The following XPO1 variants were observed in gnomAD, a reference collection of about 807,000 sequenced individuals.
The protein encoded by XPO1 is exportin 1.
In XPO1, 5 loss-of-function variants were observed where a neutral mutation model predicts 133.3. That is an observed-to-expected ratio of 0.04 (90% CI 0.02 to 0.08). The LOEUF (loss-of-function observed/expected upper bound fraction) is 0.08, where lower values mean the gene tolerates loss of function less well. Among genes scored for constraint, XPO1 ranks in the 10% least tolerant of loss-of-function variants. XPO1 has a pLI of 1.00. For missense variants in XPO1, 506 were observed against 1,267.5 expected, an observed-to-expected ratio of 0.40 and a Z score of 9.12; for synonymous variants, 419 against 408.2, an observed-to-expected ratio of 1.03 and a Z score of -0.32.
At chr2:61,532,134 A>G (rs1699181738) in intron 2 of XPO1, among the ~76,000 whole-genome samples, 1 of 151,812 alleles carries the variant, frequency 6.6e-6, no homozygotes, top group Non-Finnish European at 1.5e-5. Context: ...TTATTTATTT[A>G]TTTTTATTTT....
chr2:61,502,357 T>G (rs776771386), intron 4 of XPO1, 47 bp from the exon 5 acceptor site: 2 of 1,545,524 alleles, frequency 1.3e-6, no homozygotes, highest in African/African-American at 1.4e-5. Context: ...AGCTCTTTTG[T>G]AGCATGCAAA....
At chr2:61,502,965 CTTT>C (rs201077547) in intron 4 of XPO1, among the ~76,000 whole-genome samples, 9 of 138,304 alleles carry the variant, frequency 6.5e-5, no homozygotes, top group Non-Finnish European at 9.3e-5. Context: ...TGTTTCTTTT[CTTT>C]TTTTTTTTTT....
At chr2:61,516,018 C>A (rs1458374810) in intron 4 of XPO1, among the ~76,000 whole-genome samples, 3 of 150,790 alleles carry the variant, frequency 2.0e-5, no homozygotes, top group Admixed American at 2.0e-4. Context: ...CCCAGCTACT[C>A]AGGAGGCTGA....
At chr2:61,512,347 A>G (rs979476343) in intron 4 of XPO1, among the ~76,000 whole-genome samples, 12 of 152,182 alleles carry the variant, frequency 7.9e-5, no homozygotes, top group Admixed American at 7.9e-4. Flanking sequence ...TTCCCAAGGA[A>G]ATTAGGAAAT....
At chr2:61,527,482 C>G (rs1444807889) in intron 2 of XPO1, among the ~76,000 whole-genome samples, 1 of 152,082 alleles carries the variant, frequency 6.6e-6, no homozygotes, top group Non-Finnish European at 1.5e-5. Context: ...AGCAGAGACC[C>G]TGTCTCTAGA....
chr2:61,493,125 T>C, intron 12 of XPO1, 72 bp from the exon 13 acceptor site: 2 of 1,443,720 alleles, frequency 1.4e-6, no homozygotes, highest in Non-Finnish European at 1.8e-6. Flanking sequence ...GAAGCTTAGT[T>C]AAAAACAAAC....
At chr2:61,529,609 T>C (rs1369585765) in intron 2 of XPO1, among the ~76,000 whole-genome samples, 1 of 151,966 alleles carries the variant, frequency 6.6e-6, no homozygotes, top group Non-Finnish European at 1.5e-5. Context: ...TTGCAGTGAT[T>C]TGAGATCACA....
chr2:61,520,375 G>A (rs939146591), intron 4 of XPO1, among the ~76,000 whole-genome samples: 1 of 152,126 alleles, frequency 6.6e-6, no homozygotes, highest in African/African-American at 2.4e-5. Flanking sequence ...GACTAAGTAT[G>A]GTGGCTCATG....
chr2:61,496,545 T>A (rs1225168354), intron 10 of XPO1, among the ~76,000 whole-genome samples: 1 of 152,182 alleles, frequency 6.6e-6, no homozygotes, highest in African/African-American at 2.4e-5. Context: ...CTAGATCATT[T>A]AATAGATAAC....
intron 2 of XPO1, among the ~76,000 whole-genome samples, chr2:61,531,356 C>T (rs563927762): frequency 1.3e-5 from 2 of 152,240 alleles, no homozygotes; most frequent in South Asian, 4.1e-4. Flanking sequence ...ATTGTCCTTA[C>T]AAACAAAAAA....
In XPO1 at chr2:61,522,682, T is replaced by C; in HGVS notation, c.230A>G (p.Tyr77Cys). The C allele has an allele frequency of 1.2e-6, 2 of 1,611,476 alleles. No homozygotes were observed. Among genetic ancestry groups the C allele is most frequent in the Non-Finnish European group, 1.7e-6 (2 of 1,177,840 alleles). The change falls in exon 4 of 25, where the codon TAC becomes TGC. Residue 77 changes from tyrosine to cysteine, a missense_variant and splice_region_variant. Physicochemically the swap from Tyr to Cys is radical, Grantham distance 194. Coordinates refer to ENST00000401558, the MANE Select transcript of XPO1 (RefSeq NM_003400.4). ...LEFSQNMNTK[Y>C]YGLQILENVI... ...ATTTTCCAAAATTTGTAGTCCATAG[T>C]ACTGAAAATTGGAGAATAGAAGCAT... is the stretch of plus-strand genomic sequence containing the variant.
At chr2:61,531,844 G>A (rs1229550236) in intron 2 of XPO1, among the ~76,000 whole-genome samples, 1 of 152,180 alleles carries the variant, frequency 6.6e-6, no homozygotes, top group Non-Finnish European at 1.5e-5. Context: ...TTTCAAGAAT[G>A]CTTTAGGAGA....
At chr2:61,517,771 A>T (rs956940665) in intron 4 of XPO1, among the ~76,000 whole-genome samples, 26 of 149,272 alleles carry the variant, frequency 1.7e-4, no homozygotes, top group African/African-American at 6.1e-4. Flanking sequence ...CTCTATCTCT[A>T]AAAAAAAAAA....
chr2:61,535,377 A>C (rs1226811734), intron 1 of XPO1, among the ~76,000 whole-genome samples: 2 of 151,910 alleles, frequency 1.3e-5, no homozygotes, highest in Non-Finnish European at 2.9e-5. Flanking sequence ...CTCCCAGTTT[A>C]GTGTATTTAG....
At chr2:61,532,645 G>T (rs1431967207) in intron 2 of XPO1, among the ~76,000 whole-genome samples, 1 of 148,676 alleles carries the variant, frequency 6.7e-6, no homozygotes, top group African/African-American at 2.5e-5. Flanking sequence ...AGACCATCCT[G>T]GCCAATATGA....
chr2:61,483,167 G>A, intron 21 of XPO1, 76 bp from the exon 22 acceptor site: 1 of 1,488,664 alleles, frequency 6.7e-7, no homozygotes, highest in South Asian at 1.3e-5. Context: ...TCTTATCAAA[G>A]TATTCTGAAT....
At chr2:61,527,481 CCT>C (rs1006922621) in intron 2 of XPO1, among the ~76,000 whole-genome samples, 3 of 152,032 alleles carry the variant, frequency 2.0e-5, no homozygotes, top group African/African-American at 7.2e-5. Context: ...GAGCAGAGAC[CCT>C]GTCTCTAGAA....
At chr2:61,480,711 T>A (rs1231069600) in intron 24 of XPO1, 4 of 152,156 alleles carry the variant, frequency 2.6e-5, no homozygotes, top group Admixed American at 2.0e-4. Context: ...GGATAAACTA[T>A]TCATCAACTA....
At chr2:61,502,518 T>A in intron 4 of XPO1, 1 of 435,518 alleles carries the variant, frequency 2.3e-6, no homozygotes, top group Non-Finnish European at 4.1e-6. Flanking sequence ...TTTGGGAGGC[T>A]GAGGTGGGTG....
Sources: gnomAD v4.1 joint callset for allele counts (sites outside exome capture counted in the v4.1 genomes callset) on GRCh38, gnomAD v4.1.1 for gene constraint, MANE v1.5 for transcripts, NCBI Gene and HGNC (gene_info 2026-07-23, HGNC 2026-07-21) for gene names.